Variants in MACROD2 observed in about 807,000 individuals in gnomAD.
MACROD2 encodes mono-ADP ribosylhydrolase 2.
A neutral mutation model predicts 70.4 loss-of-function variants in MACROD2; 36 were observed. The ratio of observed to expected loss-of-function variants is 0.51; its 90% CI spans 0.39 to 0.68. The LOEUF (loss-of-function observed/expected upper bound fraction) is 0.68, where lower values mean the gene tolerates loss of function less well. Among genes scored for constraint, MACROD2 ranks in the 30% least tolerant of loss-of-function variants. MACROD2 has a pLI of 0.00. For synonymous variants in MACROD2, 172 were observed against 178.8 expected (o/e 0.96, Z 0.30); for missense variants, 496 against 538.4 (o/e 0.92, Z 0.78).
chr20:15,271,533 A>G (rs990255094), intron 6 of MACROD2, among the ~76,000 whole-genome samples: 3 of 152,246 alleles, frequency 2.0e-5, no homozygotes, highest in Non-Finnish European at 4.4e-5. Context: ...GCACAGGCAC[A>G]TGGTAGGAGC....
At chr20:15,172,911 G>A (rs1406502559) in intron 5 of MACROD2, among the ~76,000 whole-genome samples, 1 of 152,174 alleles carries the variant, frequency 6.6e-6, no homozygotes, top group East Asian at 1.9e-4. Flanking sequence ...AAGAGAAAAT[G>A]CTTGAAAGCT....
At chr20:14,873,135 A>G (rs1031777409) in intron 5 of MACROD2, among the ~76,000 whole-genome samples, 2 of 152,170 alleles carry the variant, frequency 1.3e-5, no homozygotes, top group African/African-American at 4.8e-5. Context: ...AAGAAAGGGT[A>G]GCATATTTGG....
intron 6 of MACROD2, among the ~76,000 whole-genome samples, chr20:15,247,471 C>T (rs1164043080): frequency 6.6e-6 from 1 of 152,108 alleles, no homozygotes; most frequent in African/African-American, 2.4e-5. Context: ...ATATAAATTA[C>T]ACACAAAAAA....
At chr20:14,845,169 G>A (rs936852041) in intron 5 of MACROD2, among the ~76,000 whole-genome samples, 1 of 151,924 alleles carries the variant, frequency 6.6e-6, no homozygotes, top group African/African-American at 2.4e-5. Context: ...ATGATTTCTC[G>A]TATGTAATTT....
intron 8 of MACROD2, among the ~76,000 whole-genome samples, chr20:15,855,651 G>C (rs2064348581): frequency 6.6e-6 from 1 of 152,090 alleles, no homozygotes; most frequent in African/African-American, 2.4e-5. Context: ...CAGGATCCCA[G>C]GCATTTCCCT....
At chr20:15,827,634 G>A (rs1452257877) in intron 8 of MACROD2, among the ~76,000 whole-genome samples, 1 of 152,164 alleles carries the variant, frequency 6.6e-6, no homozygotes, top group Non-Finnish European at 1.5e-5. Context: ...TTATAGGGAT[G>A]GGGTTGAGGG....
At chr20:15,950,783 C>T (rs369595244) in intron 12 of MACROD2, among the ~76,000 whole-genome samples, 16 of 152,196 alleles carry the variant, frequency 1.1e-4, no homozygotes, top group Non-Finnish European at 1.5e-4. Flanking sequence ...TTGGAAACTA[C>T]GAAATTAGGC....
chr20:15,402,941 GTGTTTTTTTTGTTTTGTTTTGTTTTT>G (rs1568780218), intron 6 of MACROD2, among the ~76,000 whole-genome samples: 1 of 151,806 alleles, frequency 6.6e-6, no homozygotes, highest in Non-Finnish European at 1.5e-5. Flanking sequence ...CTCTTAACAG[GTGTTTTTTTTGTTTTGTTTTGTTTTT>G]TGTTTTTTTT....
chr20:15,248,710 C>T (rs1438432505), intron 6 of MACROD2, among the ~76,000 whole-genome samples: 1 of 152,136 alleles, frequency 6.6e-6, no homozygotes, highest in Non-Finnish European at 1.5e-5. Flanking sequence ...GTAACTAATG[C>T]CATTGTGAAT....
chr20:14,291,253 G>T (rs1374039630), intron 3 of MACROD2, among the ~76,000 whole-genome samples: 1 of 152,198 alleles, frequency 6.6e-6, no homozygotes, highest in East Asian at 1.9e-4. Context: ...TTTTAGTAGA[G>T]ATTATGTGAA....
At chr20:15,855,418 A>T (rs1470922282) in intron 8 of MACROD2, among the ~76,000 whole-genome samples, 1 of 152,190 alleles carries the variant, frequency 6.6e-6, no homozygotes, top group Non-Finnish European at 1.5e-5. Flanking sequence ...CAGAGAGATT[A>T]CCTTTAGGAG....
At chr20:15,206,721 G>GGTTTTTTTTTTTT (rs2076706978) in intron 5 of MACROD2, among the ~76,000 whole-genome samples, 1 of 32,990 alleles carries the variant, frequency 3.0e-5, no homozygotes, top group Non-Finnish European at 5.1e-5. Flanking sequence ...TATTATCTAT[G>GGTTTTTTTTTTTT]TTTTTTTTTT....
chr20:14,585,366 C>T (rs1600417580), intron 4 of MACROD2, among the ~76,000 whole-genome samples: 1 of 152,122 alleles, frequency 6.6e-6, no homozygotes, highest in East Asian at 1.9e-4. Context: ...ACCCCATTTC[C>T]GAAGAGTTAA....
intron 3 of MACROD2, among the ~76,000 whole-genome samples, chr20:14,184,298 A>G (rs4290720): frequency 1.3e-5 from 2 of 152,130 alleles, no homozygotes; most frequent in East Asian, 3.9e-4. Context: ...TTCTTTCCCC[A>G]TTGCTTGTTT....
At chr20:15,521,850 A>G (rs557466176) in intron 8 of MACROD2, among the ~76,000 whole-genome samples, 25 of 152,352 alleles carry the variant, frequency 1.6e-4, no homozygotes, top group African/African-American at 5.8e-4. Flanking sequence ...TTGGAGCACA[A>G]TTTACAGTGG....
At chr20:16,011,987 G>A (rs2066869815) in intron 15 of MACROD2, among the ~76,000 whole-genome samples, 2 of 152,140 alleles carry the variant, frequency 1.3e-5, no homozygotes, top group Non-Finnish European at 2.9e-5. Context: ...CCCCACCATG[G>A]TGACTGCTCA....
At chr20:14,369,416 A>C (rs6033952) in intron 3 of MACROD2, among the ~76,000 whole-genome samples, 1 of 152,060 alleles carries the variant, frequency 6.6e-6, no homozygotes, top group Non-Finnish European at 1.5e-5. Context: ...GAGCAGGGGC[A>C]AATACAAACA....
At position 15,647,874 on chromosome 20, in the gene MACROD2, C is replaced by T. The variant is rs545836152; in HGVS notation, c.645+148027C>T. Among the ~76,000 whole-genome samples the T allele has an allele frequency of 9.9e-5, 15 of 152,026 alleles. No individual in the cohort carries two copies. In the East Asian group the frequency reaches 1.5e-3, roughly 16 times the overall value. Reference sequence around the variant, plus strand: ...AGCTGGAACTACAGGCGTGCACCACCGCATCGGCTAATTTTTGTATTTTTA... The same window carrying T: ...AGCTGGAACTACAGGCGTGCACCACTGCATCGGCTAATTTTTGTATTTTTA... On this transcript the variant is annotated intron_variant, in intron 8 of 17. Transcript: ENST00000684519.
chr20:14,441,751 T>C (rs1046713995), intron 3 of MACROD2, among the ~76,000 whole-genome samples: 1 of 152,222 alleles, frequency 6.6e-6, no homozygotes, highest in Non-Finnish European at 1.5e-5. Flanking sequence ...AGTTACTATG[T>C]GCCTCATAAA....
Sources: gnomAD v4.1 joint callset for allele counts (sites outside exome capture counted in the v4.1 genomes callset) on GRCh38, gnomAD v4.1.1 for gene constraint, MANE v1.5 for transcripts, NCBI Gene and HGNC (gene_info 2026-07-23, HGNC 2026-07-21) for gene names.